The following CARMIL3 variants were observed in gnomAD, a reference collection of about 807,000 sequenced individuals.
CARMIL3 encodes the protein capping protein regulator and myosin 1 linker 3.
CARMIL3 carries 88 observed loss-of-function variants against 180.8 expected under a neutral mutation model. That is an observed-to-expected ratio of 0.49 (90% CI 0.41 to 0.58). CARMIL3 has a LOEUF of 0.58. Among genes scored for constraint, CARMIL3 ranks in the 20% least tolerant of loss-of-function variants. The probability of loss-of-function intolerance (pLI) is 0.00; values close to 1 mark genes in which losing one functional copy is unlikely to be tolerated. For missense variants in CARMIL3, 1,548 were observed against 1,787.0 expected (o/e 0.87, Z 2.41); for synonymous variants, 696 against 714.5 (o/e 0.97, Z 0.41).
In CARMIL3 at chr14:24,068,835, C is replaced by T; in HGVS notation, c.3851C>T (p.Pro1284Leu). The change falls in exon 38 of 40, where the codon CCC becomes CTC. Residue 1284 changes from proline (P) to leucine (L), a missense_variant. Coordinates refer to ENST00000342740, the MANE Select transcript of CARMIL3 (RefSeq NM_138360.4). ...TGGCCTCCCAAGCCAGTGGCTGTGC[C>T]CAGGGGCCGCCAGCCTCCCCAGGAG... is the stretch of plus-strand genomic sequence containing the variant. ...APWPPKPVAV[P>L]RGRQPPQEPG... is the part of the protein sequence containing the mutation. 6.2e-7 allele frequency: 1 copy of T among 1,613,490 alleles called. No homozygotes were observed. The highest frequency in any genetic ancestry group is 8.5e-7 in the Non-Finnish European group (1 of 1,179,974).
Position 24,065,692 on chromosome 14 carries a change from G to A in CARMIL3, c.3467G>A (p.Gly1156Asp). Residue 1156 changes from glycine (G) to aspartate (D), a missense_variant, in exon 34 of 40, where the codon GGT becomes GAT. Gly to Asp is a moderately conservative substitution (Grantham distance 94). Coordinates refer to ENST00000342740, the MANE Select transcript of CARMIL3 (RefSeq NM_138360.4). ...PGTAQQPRVH[G>D]VALPGLERAK... The stretch of plus-strand genomic sequence containing the variant: ...ACAGCACAGCAGCCAAGGGTTCACG[G>A]TGTTGCCCTTCCCGGGTTGGAAAGA... 6.2e-7 allele frequency: 1 copy of A among 1,614,124 alleles called. No individual in the cohort carries two copies. Among genetic ancestry groups the A allele is most frequent in the Non-Finnish European group, 8.5e-7 (1 of 1,179,976 alleles).
chr14:24,054,577 C>T lies in CARMIL3; in HGVS notation c.362+66C>T. 6.5e-7 allele frequency: 1 copy of T among 1,546,092 alleles called. No individual in the cohort carries two copies. The highest frequency in any genetic ancestry group is 8.9e-7 in the Non-Finnish European group (1 of 1,127,158). Reference sequence around the variant, plus strand: ...AGGGAGAGTTCATCCCTTCCTCCTTCCCCTGGGCCAGGGCTGAGAAGGAGA... The same window carrying T: ...AGGGAGAGTTCATCCCTTCCTCCTTTCCCTGGGCCAGGGCTGAGAAGGAGA... On this transcript the variant is annotated intron_variant, in intron 5 of 39. Transcript: ENST00000342740. The surrounding 1 kb of genome is among the most constrained non-coding windows in gnomAD (Gnocchi z 5.1).
At chr14:24,053,898 G>T (rs998518073) in intron 2 of CARMIL3, 95 bp downstream of exon 2, 1 of 1,247,162 alleles carries the variant, frequency 8.0e-7, no homozygotes. Flanking sequence ...AGAGACAGAA[G>T]TGGGTGGACA....
Position 24,059,033 on chromosome 14 carries a change from C to A in CARMIL3, c.1571+47C>A. On this transcript the variant is annotated intron_variant, in intron 19 of 39. Coordinates refer to ENST00000342740, the MANE Select transcript of CARMIL3 (RefSeq NM_138360.4). The surrounding 1 kb of genome is among the most constrained non-coding windows in gnomAD (Gnocchi z 6.3). ...CACAGACCCTCATCCCATCATTCAC[C>A]CATCCTCTTGGCTCACCGTATTACC... 6.2e-7 allele frequency: 1 copy of A among 1,607,248 alleles called. No individual in the cohort carries two copies. Among genetic ancestry groups the A allele is most frequent in the Non-Finnish European group, 8.5e-7 (1 of 1,176,140 alleles).
At position 24,063,325 on chromosome 14, in the gene CARMIL3, G is replaced by GC. The variant is rs1484777438; in HGVS notation, c.2772dup (p.Gly925ArgfsTer31). Reference sequence around the variant, plus strand: ...CCCTCTAATGCTGCTGTCTTTGCAGGCGGGAGCCCTCAGGACATGGAAAGC... The same window carrying GC: ...CCCTCTAATGCTGCTGTCTTTGCAGGCCGGGAGCCCTCAGGACATGGAAAGC... On this transcript the variant is annotated frameshift_variant and splice_region_variant, in exon 31 of 40. Coordinates refer to ENST00000342740, the MANE Select transcript of CARMIL3 (RefSeq NM_138360.4). LOFTEE classifies it high-confidence loss of function. The GC allele has an allele frequency of 6.3e-7, 1 of 1,595,092 alleles. No individual in the cohort carries two copies. Among genetic ancestry groups the GC allele is most frequent in the Non-Finnish European group, 8.6e-7 (1 of 1,166,778 alleles).
chr14:24,057,308 T>A (rs2035682488), intron 14 of CARMIL3, 64 bp downstream of exon 14: 2 of 1,445,704 alleles, frequency 1.4e-6, no homozygotes, highest in Non-Finnish European at 1.9e-6. Context: ...TGGGCCTCGG[T>A]CTCACCCCCT....
chr14:24,064,487 T>A lies in CARMIL3; in HGVS notation c.3080+141T>A. ...TGTGAGAAATTTCCCCACATTCTCA[T>A]CCTTCCCCACCCAGCCCTCAGGGCC... On this transcript the variant is annotated intron_variant, in intron 32 of 39. Transcript: ENST00000342740. 3 of 676,396 alleles carry A rather than the reference T, an allele frequency of 4.4e-6. No homozygotes were observed. In the South Asian group the frequency reaches 4.9e-5, roughly 11 times the overall value. 41.9% of individuals were successfully genotyped at this position (676,396 alleles called of 1,614,324 possible). A position where few individuals can be genotyped will look rare whatever the true frequency, so the allele number is the denominator to read the frequency against.
Position 24,052,133 on chromosome 14 carries a change from G to A in CARMIL3, c.-21G>A, listed in dbSNP as rs777884071. 2 of 1,566,626 alleles carry A rather than the reference G, an allele frequency of 1.3e-6. No individual in the cohort carries two copies. The highest frequency in any genetic ancestry group is 1.2e-5 in the South Asian group (1 of 85,666). The stretch of plus-strand genomic sequence containing the variant: ...CGGCGGCGGCGGCTCCTCTGCAGCA[G>A]CCTCAGCAGCAGCGGCCGCCATGGC... On this transcript the variant is annotated 5_prime_UTR_variant, in exon 1 of 40. Coordinates refer to ENST00000342740, the MANE Select transcript of CARMIL3 (RefSeq NM_138360.4).
rs1165212179 is a variant in CARMIL3 at position 24,057,972 on chromosome 14, G to A, written c.1230G>A (p.Glu410=). ...RNSCSHRKGR[E]APPAFKQFFS... ...GGTCTCTCCACAGGAAGGGTCGAGA[G>A]GCCCCGCCGGCCTTCAAGCAGTTCT... The change falls in exon 16 of 40, where the codon GAG becomes GAA. Residue 410 remains glutamate, a synonymous_variant. Coordinates refer to ENST00000342740, the MANE Select transcript of CARMIL3 (RefSeq NM_138360.4). The A allele has an allele frequency of 6.2e-7, 1 of 1,613,554 alleles. No homozygotes were observed. The highest frequency in any genetic ancestry group is 1.3e-5 in the African/African-American group (1 of 75,014).
rs1435654914 is a variant in CARMIL3, at chr14:24,054,430, T to C, written c.281T>C (p.Met94Thr). 1 of 1,614,142 alleles carries C rather than the reference T, an allele frequency of 6.2e-7. No homozygotes were observed. The change falls in exon 5 of 40, where the codon ATG becomes ACG. Residue 94 changes from methionine (M) to threonine (T), a missense_variant. By Grantham distance (81) the Met-to-Thr change is moderately conservative (BLOSUM62 -1). This residue lies in a region of CARMIL3 where 578 missense variants were observed against 666.5 expected (regional missense o/e 0.87). Coordinates refer to ENST00000342740, the MANE Select transcript of CARMIL3 (RefSeq NM_138360.4). This position sits in a 1 kb window ranked among gnomAD's most constrained non-coding sequence, Gnocchi z 5.1. Reference sequence around the variant, plus strand: ...GAGACGGAGCGTGGCATGGTGAGCATGCGACTGCCATCAGCTGAAAGTGTG... The same window carrying C: ...GAGACGGAGCGTGGCATGGTGAGCACGCGACTGCCATCAGCTGAAAGTGTG... ...LVETERGMVSMRLPSAESVDQ... is the reference protein window; with the variant it reads ...LVETERGMVSTRLPSAESVDQ...
chr14:24,064,426 G>A (rs775522400), intron 32 of CARMIL3, 80 bp downstream of exon 32: 17 of 1,063,460 alleles, frequency 1.6e-5, no homozygotes, highest in Admixed American at 1.0e-4. Context: ...AGCTCCCATG[G>A]GAGTCTCCAT....
In CARMIL3 at chr14:24,056,940, C is replaced by T. The variant is rs780760806; in HGVS notation, c.978C>T (p.Phe326=). 1.2e-5 allele frequency: 19 copies of T among 1,613,938 alleles called. No homozygotes were observed. Among genetic ancestry groups the T allele is most frequent in the African/African-American group, 6.7e-5 (5 of 74,916 alleles). The change falls in exon 13 of 40, where the codon TTC becomes TTT. Residue 326 remains phenylalanine (F), a synonymous_variant. Coordinates refer to ENST00000342740, the MANE Select transcript of CARMIL3 (RefSeq NM_138360.4). ...PRGLQALGQT[F]GANPAFASSL... The stretch of plus-strand genomic sequence containing the variant: ...GGCTCCAGGCACTCGGCCAGACCTT[C>T]GGGGCAAACCCAGCATTTGCCAGCT...
At chr14:24,068,328 T>C (rs1594556371) in intron 36 of CARMIL3, among the ~76,000 whole-genome samples, 1 of 140,230 alleles carries the variant, frequency 7.1e-6, no homozygotes, top group African/African-American at 2.7e-5. Flanking sequence ...ACCCGAGAGG[T>C]GGAGGTTGCA....
intron 29 of CARMIL3, 69 bp downstream of exon 29, chr14:24,062,915 C>G: frequency 6.4e-7 from 1 of 1,555,590 alleles, no homozygotes; most frequent in East Asian, 2.3e-5. Flanking sequence ...CAACACTGTC[C>G]CCTTCCACTG....
chr14:24,065,506 A>G, intron 33 of CARMIL3, 116 bp from the exon 34 acceptor site: 1 of 1,446,176 alleles, frequency 6.9e-7, no homozygotes, highest in Non-Finnish European at 9.3e-7. Context: ...GGGTCTCTGC[A>G]GGGCTTCCCC....
chr14:24,053,354 T>C (rs922341771), intron 1 of CARMIL3, among the ~76,000 whole-genome samples: 6 of 151,772 alleles, frequency 4.0e-5, no homozygotes, highest in African/African-American at 1.5e-4. Context: ...TGACTCACTT[T>C]GTATGTGTCA....
At position 24,058,770 on chromosome 14, in the gene CARMIL3, T is replaced by C. The variant is rs1224705263; in HGVS notation, c.1474+9T>C. 6.2e-7 allele frequency: 1 copy of C among 1,613,934 alleles called. No homozygotes were observed. The highest frequency in any genetic ancestry group is 1.3e-5 in the African/African-American group (1 of 74,904). ...GGATCTGTCAGACAATGGTGAGTAG[T>C]GGTTCCTCCCTTCCCTGGGGCCAGG... On this transcript the variant is annotated intron_variant, in intron 18 of 39. Coordinates refer to ENST00000342740, the MANE Select transcript of CARMIL3 (RefSeq NM_138360.4). This position sits in a 1 kb window ranked among gnomAD's most constrained non-coding sequence, Gnocchi z 6.4.
At position 24,058,170 on chromosome 14, in the gene CARMIL3, C is replaced by CGTTGAG. The variant is rs749409895; in HGVS notation, c.1338_1339insGTTGAG (p.Gly446_Leu447insValGlu). On this transcript the variant is annotated inframe_insertion, in exon 17 of 40. Transcript: ENST00000342740. The surrounding 1 kb of genome is among the most constrained non-coding windows in gnomAD (Gnocchi z 6.4). Reference sequence around the variant, plus strand: ...CCTCCCACAGGGCGCTGCTTCAGGGCCTCTCCCTCAACAGTCACCTCAGTG... The same window carrying CGTTGAG: ...CCTCCCACAGGGCGCTGCTTCAGGGCGTTGAGCTCTCCCTCAACAGTCACCTCAGTG... 4 of 1,613,846 alleles carry CGTTGAG rather than the reference C, an allele frequency of 2.5e-6. No individual in the cohort carries two copies. Among genetic ancestry groups the CGTTGAG allele is most frequent in the Non-Finnish European group, 2.5e-6 (3 of 1,179,996 alleles).
Position 24,068,935 on chromosome 14 carries a change from A to G in CARMIL3, c.3951A>G (p.Ser1317=). The change falls in exon 38 of 40, where the codon TCA becomes TCG. Residue 1317 remains serine (S), a synonymous_variant. Transcript: ENST00000342740. ...GVNKPRLRLS[S]QQDQEEPEVQ... ...ACAAACCCCGGCTGAGGCTGAGCTC[A>G]CAGCAAGACCAAGAGGAGCCCGAAG... 6.3e-7 allele frequency: 1 copy of G among 1,578,774 alleles called. No individual in the cohort carries two copies. The highest frequency in any genetic ancestry group is 1.1e-5 in the South Asian group (1 of 87,390).
Sources: allele counts gnomAD v4.1 joint callset (sites outside exome capture counted in the v4.1 genomes callset), GRCh38; gene constraint gnomAD v4.1.1; regional missense constraint gnomAD v4.1.1; non-coding constraint Gnocchi (gnomAD v3.1); transcripts MANE v1.5; gene names NCBI Gene and HGNC (gene_info 2026-07-23, HGNC 2026-07-21).